Variants in CELF1 observed in about 807,000 individuals in gnomAD.
The protein encoded by CELF1 is 50 kDa nuclear polyadenylated RNA-binding protein.
Under a neutral mutation model 61.8 loss-of-function variants are expected in CELF1, and 10 were observed. That is an observed-to-expected ratio of 0.16 (90% CI 0.10 to 0.27). The LOEUF (loss-of-function observed/expected upper bound fraction) is 0.27, where lower values mean the gene tolerates loss of function less well. Among genes scored for constraint, CELF1 ranks in the 10% least tolerant of loss-of-function variants. CELF1 has a pLI of 1.00. For synonymous variants in CELF1, 236 were observed against 225.1 expected (o/e 1.05, Z -0.43); for missense variants, 380 against 639.1 (o/e 0.59, Z 4.37).
intron 12 of CELF1, among the ~76,000 whole-genome samples, chr11:47,476,435 T>C (rs111571359): frequency 0.019 from 2,907 of 152,266 alleles, 57 homozygotes; most frequent in African/African-American, 0.055. Flanking sequence ...AAAAATCCCA[T>C]GCTTTTTTGA....
intron 1 of CELF1, among the ~76,000 whole-genome samples, chr11:47,517,936 C>T (rs1427688753): frequency 2.0e-5 from 3 of 152,174 alleles, no homozygotes; most frequent in East Asian, 3.9e-4. Context: ...CCACTGTGCC[C>T]GGCCTACTGA....
chr11:47,535,522 T>C lies in CELF1; in HGVS notation c.-154+17470A>G, dbSNP rs1026673496. On this transcript the variant is annotated intron_variant, in intron 1 of 14. Transcript: ENST00000687097. ...GGAGAAACTCCGTCTCTACTAAAAA[T>C]AGAAAATTAGCCGGGCATGGTGGGG... 4.0e-5 allele frequency among the ~76,000 whole-genome samples: 6 copies of C among 151,314 alleles called. No individual in the cohort carries two copies. In the East Asian group the frequency reaches 8.0e-4, roughly 20 times the overall value.
chr11:47,486,286 A>G (rs554148137), intron 6 of CELF1, among the ~76,000 whole-genome samples: 1 of 151,906 alleles, frequency 6.6e-6, no homozygotes, highest in South Asian at 2.1e-4. Context: ...TGTTCTTATA[A>G]TATTTCTCTG....
At chr11:47,492,370 CATA>C (rs2091871320) in intron 3 of CELF1, among the ~76,000 whole-genome samples, 1 of 152,140 alleles carries the variant, frequency 6.6e-6, no homozygotes. Flanking sequence ...ATGGCAAAAA[CATA>C]ATGTGACTGC....
chr11:47,481,102 C>CTTTTTTTTTTTTTTTTTTTTTTTTTT (rs1187959061), intron 9 of CELF1, among the ~76,000 whole-genome samples: 1 of 71,418 alleles, frequency 1.4e-5, no homozygotes, highest in Non-Finnish European at 2.4e-5. Context: ...TTTTCTTCTT[C>CTTTTTTTTTTTTTTTTTTTTTTTTTT]TTTTTTTTTT....
chr11:47,558,659 T>C lies in CELF1; in HGVS notation c.-11+5692A>G, dbSNP rs2097214956. Among the ~76,000 whole-genome samples, 3 of 111,426 alleles carry C rather than the reference T, an allele frequency of 2.7e-5. No homozygotes were observed. In the South Asian group the frequency reaches 7.1e-4, roughly 26 times the overall value. The allele number at this position is 111,426 out of a possible 152,430, so 73.1% of individuals were successfully genotyped here. ...AATGTGTAATATATTAGATATAATA[T>C]ATTACATAATATAATATGTAATATA... On this transcript the variant is annotated intron_variant, in intron 2 of 3. Coordinates refer to the CELF1 transcript ENST00000525841.
At chr11:47,482,219 T>TAAATAAAC (rs1374864840) in intron 9 of CELF1, among the ~76,000 whole-genome samples, 31 of 151,330 alleles carry the variant, frequency 2.0e-4, no homozygotes, top group African/African-American at 6.8e-4. Context: ...AATAAATAAA[T>TAAATAAAC]AAATAAATAA....
chr11:47,491,369 G>C (rs191290060), intron 3 of CELF1, among the ~76,000 whole-genome samples: 207 of 152,106 alleles, frequency 1.4e-3, no homozygotes, highest in African/African-American at 4.7e-3. Flanking sequence ...AGCCATGTTG[G>C]CCAGGCTGGT....
chr11:47,550,404 G>A (rs58119589), intron 1 of CELF1, among the ~76,000 whole-genome samples: 32,799 of 151,824 alleles, frequency 0.22, 4,213 homozygotes, highest in African/African-American at 0.33. Context: ...AGTGGTGGGC[G>A]CCTGTAATCA....
intron 1 of CELF1, among the ~76,000 whole-genome samples, chr11:47,531,406 A>C (rs775468954): frequency 3.3e-5 from 5 of 152,142 alleles, no homozygotes; most frequent in Non-Finnish European, 7.4e-5. Flanking sequence ...CATCTCTACT[A>C]AAAATACAAA....
At chr11:47,533,793 G>C (rs1358443286) in intron 1 of CELF1, among the ~76,000 whole-genome samples, 2 of 107,694 alleles carry the variant, frequency 1.9e-5, no homozygotes, top group African/African-American at 7.5e-5. Context: ...CTGGGCAATA[G>C]AGCGAGACTC....
At chr11:47,532,937 T>C (rs1371065558) in intron 1 of CELF1, among the ~76,000 whole-genome samples, 4 of 152,088 alleles carry the variant, frequency 2.6e-5, no homozygotes, top group African/African-American at 2.4e-5. Context: ...TATTAAGGAG[T>C]TGTTAATGCC....
At chr11:47,539,155 T>C (rs1318104885) in intron 1 of CELF1, among the ~76,000 whole-genome samples, 1 of 152,200 alleles carries the variant, frequency 6.6e-6, no homozygotes, top group Non-Finnish European at 1.5e-5. Flanking sequence ...GTTTCCTATC[T>C]GAAATAGCAG....
At chr11:47,482,628 G>A in intron 9 of CELF1, 67 bp downstream of exon 9, 1 of 1,483,712 alleles carries the variant, frequency 6.7e-7, no homozygotes. Flanking sequence ...TTGTTGGCTA[G>A]GGACAGCAGA....
chr11:47,542,651 C>T (rs1001510721), intron 1 of CELF1, among the ~76,000 whole-genome samples: 17 of 152,034 alleles, frequency 1.1e-4, no homozygotes, highest in Admixed American at 6.6e-4. Context: ...ACACGCACCA[C>T]CACATCTGGC....
rs571078440 is a variant in CELF1 at position 47,468,624 on chromosome 11, C to A, written c.*3606G>T. The A allele has an allele frequency of 2.0e-5, 3 of 150,108 alleles. No homozygotes were observed. The highest frequency in any genetic ancestry group is 4.4e-5 in the Non-Finnish European group (3 of 67,612). The allele number at this position is 150,108 out of a possible 1,614,324, so 9.3% of individuals were successfully genotyped here. On this transcript the variant is annotated 3_prime_UTR_variant, in exon 15 of 15. Coordinates refer to ENST00000687097, the MANE Select transcript of CELF1 (RefSeq NM_001376376.1). The stretch of plus-strand genomic sequence containing the variant: ...TAGAAAAATAGATTTTTTTTATATT[C>A]AAATGCAAGTTTAAATATTTCCCCT...
rs2079558712 is a variant in CELF1 at position 47,475,392 on chromosome 11, T to A, written c.1217A>T (p.Tyr406Phe). 1.2e-6 allele frequency: 2 copies of A among 1,613,940 alleles called. No homozygotes were observed. The highest frequency in any genetic ancestry group is 3.3e-5 in the Admixed American group (2 of 59,998). ...CTGCTGTGTCAGAAGATTCTGGTTG[T>A]ACAGAGTGGGGAGCGCAGCAGCAGC... ...QYAAAALPTL[Y>F]NQNLLTQQSI... Residue 406 changes from tyrosine to phenylalanine, a missense_variant, in exon 13 of 15, where the codon TAC becomes TTC. Transcript: ENST00000687097.
rs58856403 is a variant in CELF1, at chr11:47,533,809, C to CAAA, written c.-154+19180_-154+19182dup. ...TGGGCAATAGAGCGAGACTCTCCCC[C>CAAA]AAAAAAAAAAAAAAAAAAAAAAGGA... On this transcript the variant is annotated intron_variant, in intron 1 of 14. Coordinates refer to ENST00000687097, the MANE Select transcript of CELF1 (RefSeq NM_001376376.1). Among the ~76,000 whole-genome samples, 547 of 84,396 alleles carry CAAA rather than the reference C, an allele frequency of 6.5e-3. 30 individuals carry two copies. The highest frequency in any genetic ancestry group is 0.04 in the Admixed American group (246 of 6,196). The allele number at this position is 84,396 out of a possible 152,430, so 55.4% of individuals were successfully genotyped here.
intron 1 of CELF1, among the ~76,000 whole-genome samples, chr11:47,542,464 A>T (rs1371951413): frequency 1.3e-5 from 2 of 152,038 alleles, no homozygotes; most frequent in Non-Finnish European, 2.9e-5. Flanking sequence ...TGCAATCACT[A>T]AAAAAACCTC....
Sources: gnomAD v4.1 joint callset for allele counts (sites outside exome capture counted in the v4.1 genomes callset) on GRCh38, gnomAD v4.1.1 for gene constraint, MANE v1.5 for transcripts, NCBI Gene and HGNC (gene_info 2026-07-23, HGNC 2026-07-21) for gene names.